PCSK2: variants seen among roughly 807,000 people sequenced by gnomAD.
PCSK2 encodes neuroendocrine convertase 2.
In PCSK2, 14 loss-of-function variants were observed where a neutral mutation model predicts 69.7. The observed-to-expected ratio is 0.20, with a 90% confidence interval of 0.13 to 0.31. The LOEUF is 0.31. Among genes scored for constraint, PCSK2 ranks in the 10% least tolerant of loss-of-function variants. The pLI, the probability that PCSK2 is intolerant of heterozygous loss-of-function variation, is 1.00. For synonymous variants in PCSK2, 307 were observed against 320.7 expected, an observed-to-expected ratio of 0.96 and a Z score of 0.46; for missense variants, 544 against 842.5, an observed-to-expected ratio of 0.65 and a Z score of 4.39.
chr20:17,419,300 C>A (rs949257947), intron 6 of PCSK2, among the ~76,000 whole-genome samples: 1 of 152,130 alleles, frequency 6.6e-6, no homozygotes, highest in Non-Finnish European at 1.5e-5. Flanking sequence ...GCAGAGCAAG[C>A]GTATTTATTC....
intron 2 of PCSK2, among the ~76,000 whole-genome samples, chr20:17,334,222 G>A (rs1471571015): frequency 6.6e-6 from 1 of 151,984 alleles, no homozygotes; most frequent in African/African-American, 2.4e-5. Context: ...CCTGGAGGGA[G>A]CCAGAAACCT....
chr20:17,364,937 A>T (rs1006557084), intron 4 of PCSK2, among the ~76,000 whole-genome samples: 5 of 152,110 alleles, frequency 3.3e-5, no homozygotes, highest in Non-Finnish European at 5.9e-5. Flanking sequence ...GAGTGCCCAC[A>T]TATTGTGCTT....
intron 2 of PCSK2, among the ~76,000 whole-genome samples, chr20:17,271,164 A>G (rs528648148): frequency 1.3e-5 from 2 of 152,140 alleles, no homozygotes; most frequent in South Asian, 4.1e-4. Flanking sequence ...TAGCATTTAT[A>G]TGTTGGTATC....
At position 17,273,518 on chromosome 20, in the gene PCSK2, C is replaced by T. The variant is rs565150300; in HGVS notation, c.282+13174C>T. 3.3e-5 allele frequency among the ~76,000 whole-genome samples: 5 copies of T among 152,228 alleles called. No individual in the cohort carries two copies. The South Asian group carries it at 1.0e-3, about 32-fold the overall frequency. On this transcript the variant is annotated intron_variant, in intron 2 of 11. Transcript: ENST00000262545. Reference sequence around the variant, plus strand: ...TTTCACAAATACATTATAACTTTGCCAAAGCAGAAAAGGTGATAGTGTCAC... The same window carrying T: ...TTTCACAAATACATTATAACTTTGCTAAAGCAGAAAAGGTGATAGTGTCAC...
intron 10 of PCSK2, chr20:17,464,704 A>T (rs2033069958): frequency 6.6e-6 from 1 of 152,308 alleles, no homozygotes; most frequent in African/African-American, 2.4e-5. Context: ...TATTTGTGAG[A>T]TTTTTCCATG....
intron 9 of PCSK2, among the ~76,000 whole-genome samples, chr20:17,455,310 A>G (rs1347026017): frequency 6.6e-6 from 1 of 152,162 alleles, no homozygotes; most frequent in Non-Finnish European, 1.5e-5. Context: ...GATCCTACAG[A>G]CAGAGGAAGA....
At chr20:17,393,425 G>T (rs1600544235) in intron 5 of PCSK2, among the ~76,000 whole-genome samples, 1 of 151,726 alleles carries the variant, frequency 6.6e-6, no homozygotes. Flanking sequence ...AACAATAAAT[G>T]TGCATTTATA....
chr20:17,230,968 G>A (rs1986125492), intron 1 of PCSK2, among the ~76,000 whole-genome samples: 2 of 152,190 alleles, frequency 1.3e-5, no homozygotes, highest in South Asian at 4.1e-4. Flanking sequence ...GAGAGTGAAT[G>A]AGTTTACAGT....
In PCSK2 at chr20:17,481,946, C is replaced by T. The variant is rs1160422692; in HGVS notation, c.1793C>T (p.Pro598Leu). 6.2e-7 allele frequency: 1 copy of T among 1,613,298 alleles called. No individual in the cohort carries two copies. The highest frequency in any genetic ancestry group is 8.5e-7 in the Non-Finnish European group (1 of 1,179,956). The change falls in exon 12 of 12, where the codon CCG (proline) becomes CTG (leucine). Residue 598 changes from proline to leucine, a missense_variant. Around this residue, in one of 3 missense-constraint regions of PCSK2, gnomAD observed 200 missense variants for 287.8 expected, o/e 0.69. Transcript: ENST00000262545. Reference sequence around the variant, plus strand: ...ATGCTGCATGGCACTCAGAGTGCCCCGTACATCGACCAGGTGGTGCGGGAT... The same window carrying T: ...ATGCTGCATGGCACTCAGAGTGCCCTGTACATCGACCAGGTGGTGCGGGAT... ...TLMLHGTQSA[P>L]YIDQVVRDYQ...
intron 8 of PCSK2, among the ~76,000 whole-genome samples, chr20:17,450,880 T>C (rs529728981): frequency 5.9e-5 from 9 of 152,254 alleles, no homozygotes; most frequent in Admixed American, 3.3e-4. Flanking sequence ...ATATATGAAT[T>C]TGGGGGGGAC....
At chr20:17,413,744 A>G (rs1195093272) in intron 6 of PCSK2, among the ~76,000 whole-genome samples, 2 of 152,270 alleles carry the variant, frequency 1.3e-5, no homozygotes, top group Non-Finnish European at 2.9e-5. Context: ...TCTCAGCATC[A>G]CATCGCACTT....
chr20:17,471,019 AT>A (rs2033190722), intron 11 of PCSK2, among the ~76,000 whole-genome samples: 1 of 152,244 alleles, frequency 6.6e-6, no homozygotes, highest in African/African-American at 2.4e-5. Flanking sequence ...CTACGTGTCA[AT>A]ACCAGGCTAT....
At chr20:17,366,310 G>A (rs919098092) in intron 4 of PCSK2, among the ~76,000 whole-genome samples, 7 of 152,138 alleles carry the variant, frequency 4.6e-5, no homozygotes, top group Admixed American at 6.5e-5. Flanking sequence ...ATTGATGATA[G>A]GATACTAATG....
intron 5 of PCSK2, among the ~76,000 whole-genome samples, chr20:17,375,537 G>A (rs1403481256): frequency 6.6e-6 from 1 of 152,168 alleles, no homozygotes. Flanking sequence ...TTCAAGGATA[G>A]TCATAAGGGA....
chr20:17,312,857 T>TA (rs1372836762), intron 2 of PCSK2, among the ~76,000 whole-genome samples: 1 of 152,140 alleles, frequency 6.6e-6, no homozygotes, highest in Non-Finnish European at 1.5e-5. Flanking sequence ...CTAAACTTCT[T>TA]AGATTTATAT....
intron 1 of PCSK2, among the ~76,000 whole-genome samples, chr20:17,258,461 C>T (rs763777883): frequency 6.6e-6 from 1 of 151,958 alleles, no homozygotes; most frequent in Non-Finnish European, 1.5e-5. Context: ...CCCCAACACA[C>T]AGCATTATCT....
At chr20:17,234,727 A>G (rs924913532) in intron 1 of PCSK2, among the ~76,000 whole-genome samples, 1 of 152,222 alleles carries the variant, frequency 6.6e-6, no homozygotes, top group African/African-American at 2.4e-5. Context: ...CTTATTAGCT[A>G]TAGATCATAA....
At position 17,462,194 on chromosome 20, in the gene PCSK2, C is replaced by A. The variant is rs115747055; in HGVS notation, c.1203-3132C>A. Among the ~76,000 whole-genome samples the A allele has an allele frequency of 1.3e-3, 199 of 152,144 alleles. 1 individual carries two copies. The highest frequency in any genetic ancestry group is 4.5e-3 in the African/African-American group (185 of 41,502). The stretch of plus-strand genomic sequence containing the variant: ...GTCCAGGAAGTTAGGAAGCTCTCCC[C>A]TGAACGAGGTTTGCTGCATACTGAA... On this transcript the variant is annotated intron_variant, in intron 10 of 11. Coordinates refer to ENST00000262545, the MANE Select transcript of PCSK2 (RefSeq NM_002594.5).
intron 2 of PCSK2, among the ~76,000 whole-genome samples, chr20:17,355,370 A>G (rs1011233394): frequency 6.6e-6 from 1 of 152,182 alleles, no homozygotes; most frequent in Non-Finnish European, 1.5e-5. Context: ...ATTTACGACA[A>G]GGAGTCCCAT....
Sources: gnomAD v4.1 joint callset for allele counts (sites outside exome capture counted in the v4.1 genomes callset) on GRCh38, gnomAD v4.1.1 for gene constraint, gnomAD v4.1.1 regional missense constraint, MANE v1.5 for transcripts, NCBI Gene and HGNC (gene_info 2026-07-23, HGNC 2026-07-21) for gene names.